OPHN1: variants seen among roughly 807,000 people sequenced by gnomAD.
The protein encoded by OPHN1 is oligophrenin-1.
OPHN1 carries 11 observed loss-of-function variants against 60.7 expected under a neutral mutation model. The ratio of observed to expected loss-of-function variants is 0.18; its 90% CI spans 0.11 to 0.30. The LOEUF is 0.30. Among genes scored for constraint, OPHN1 ranks in the 10% least tolerant of loss-of-function variants. The pLI, the probability that OPHN1 is intolerant of heterozygous loss-of-function variation, is 1.00. For synonymous variants in OPHN1, 226 were observed against 222.6 expected (o/e 1.02, Z -0.14); for missense variants, 449 against 611.0 (o/e 0.73, Z 2.80).
At chrX:68,172,625 C>A (rs2077396644) in intron 15 of OPHN1, among the ~76,000 whole-genome samples, 1 of 110,735 alleles carries the variant, frequency 9.0e-6, no homozygotes, top group Admixed American at 9.7e-5. Flanking sequence ...AAAAAATTAC[C>A]CAAAGAAAGC....
intron 15 of OPHN1, among the ~76,000 whole-genome samples, chrX:68,171,067 G>A (rs1352715433): frequency 9.0e-6 from 1 of 110,765 alleles, no homozygotes; most frequent in Non-Finnish European, 1.9e-5. Context: ...TAGCACAACA[G>A]GGTGATTATA....
intron 2 of OPHN1, among the ~76,000 whole-genome samples, chrX:68,344,749 G>A (rs974577448): frequency 2.7e-5 from 3 of 111,904 alleles, no homozygotes; most frequent in Admixed American, 9.5e-5. Flanking sequence ...AACATAAAAT[G>A]CTAATTAGAC....
At chrX:68,167,332 AAGAC>A (rs1284409543) in intron 15 of OPHN1, among the ~76,000 whole-genome samples, 1 of 111,824 alleles carries the variant, frequency 8.9e-6, no homozygotes, top group Non-Finnish European at 1.9e-5. Context: ...TTTTATGTAA[AAGAC>A]AGGAAGTAAC....
In OPHN1 at chrX:68,268,937, T is replaced by G. The variant is rs370162380; in HGVS notation, c.384+5801A>C. ...TGTGCAAAAATCATAAGCATTCTTA[T>G]GCACCAATAACAGACAGAGAGCCAA... On this transcript the variant is annotated intron_variant, in intron 5 of 24. Coordinates refer to ENST00000355520, the MANE Select transcript of OPHN1 (RefSeq NM_002547.3). Among the ~76,000 whole-genome samples, 4 of 111,597 alleles carry G rather than the reference T, an allele frequency of 3.6e-5. No individual in the cohort carries two copies. The East Asian group carries it at 8.4e-4, about 24-fold the overall frequency.
intron 5 of OPHN1, among the ~76,000 whole-genome samples, chrX:68,274,528 T>C (rs1320639613): frequency 5.4e-5 from 6 of 111,289 alleles, no homozygotes; most frequent in Non-Finnish European, 7.5e-5. Flanking sequence ...CCCACCCCCT[T>C]TGTCATGTTA....
At chrX:68,193,769 A>G (rs951547404) in intron 14 of OPHN1, 121 bp downstream of exon 14, 1 of 590,229 alleles carries the variant, frequency 1.7e-6, no homozygotes, top group Non-Finnish European at 2.9e-6. Flanking sequence ...TCTAGCTTGC[A>G]TCTACTACAC....
chrX:68,182,196 T>G lies in OPHN1; in HGVS notation c.1276+10723A>C, dbSNP rs768679015. On this transcript the variant is annotated intron_variant, in intron 15 of 24. Transcript: ENST00000355520. ...GACATAGAAGCTCTGTAGTTTTTTTTTTTTTTTTTTTTTTTCCTATGATGG... is the reference window on the plus strand; with the variant it reads ...GACATAGAAGCTCTGTAGTTTTTTTGTTTTTTTTTTTTTTTCCTATGATGG... Among the ~76,000 whole-genome samples, 44 of 97,321 alleles carry G rather than the reference T, an allele frequency of 4.5e-4. 1 individual carries two copies. Among genetic ancestry groups the G allele is most frequent in the African/African-American group, 1.6e-3 (42 of 26,667 alleles). The allele number at this position is 97,321 out of a possible 115,157, so 84.5% of individuals were successfully genotyped here.
At chrX:68,255,337 C>T (rs770924519) in intron 5 of OPHN1, among the ~76,000 whole-genome samples, 9 of 112,012 alleles carry the variant, frequency 8.0e-5, no homozygotes, top group East Asian at 2.8e-4. Context: ...TATGTGAATA[C>T]GGAAAAGGAA....
At chrX:68,174,035 C>T (rs367726325) in intron 15 of OPHN1, among the ~76,000 whole-genome samples, 1 of 111,691 alleles carries the variant, frequency 9.0e-6, no homozygotes, top group African/African-American at 3.3e-5. Flanking sequence ...TTTGAAAAAT[C>T]GCTGAGATTT....
intron 5 of OPHN1, among the ~76,000 whole-genome samples, chrX:68,267,151 T>C (rs1317988693): frequency 9.0e-6 from 1 of 111,060 alleles, no homozygotes; most frequent in Non-Finnish European, 1.9e-5. Context: ...TATCCAGGAA[T>C]TGAACTCAGC....
chrX:68,116,437 T>C (rs2077127555), intron 16 of OPHN1, among the ~76,000 whole-genome samples: 1 of 111,909 alleles, frequency 8.9e-6, no homozygotes, highest in African/African-American at 3.2e-5. Flanking sequence ...TGAGAATTTA[T>C]GGCTTGGAGG....
At chrX:68,382,843 T>A (rs777786393) in intron 2 of OPHN1, among the ~76,000 whole-genome samples, 3 of 111,634 alleles carry the variant, frequency 2.7e-5, no homozygotes, top group Non-Finnish European at 3.8e-5. Flanking sequence ...TATAGATGAG[T>A]TGCAACAGAG....
chrX:68,384,592 G>A (rs1478157706), intron 2 of OPHN1, among the ~76,000 whole-genome samples: 1 of 110,907 alleles, frequency 9.0e-6, no homozygotes, highest in Non-Finnish European at 1.9e-5. Context: ...CATGTTGGCA[G>A]TTGCCTATAG....
chrX:68,236,770 A>G (rs998650210), intron 5 of OPHN1, among the ~76,000 whole-genome samples: 4 of 112,161 alleles, frequency 3.6e-5, no homozygotes, highest in African/African-American at 1.3e-4. Context: ...GTATGGATGT[A>G]CTATGTTTCC....
At chrX:68,333,993 G>T (rs1339429171) in intron 2 of OPHN1, among the ~76,000 whole-genome samples, 1 of 107,974 alleles carries the variant, frequency 9.3e-6, no homozygotes, top group Non-Finnish European at 1.9e-5. Flanking sequence ...TGCCTCCCGG[G>T]ATCAAGCGAT....
intron 15 of OPHN1, among the ~76,000 whole-genome samples, chrX:68,121,039 A>G (rs1367665995): frequency 8.9e-6 from 1 of 112,465 alleles, no homozygotes; most frequent in Non-Finnish European, 1.9e-5. Context: ...TAAAACTACT[A>G]GAAGAAAACA....
At chrX:68,185,778 C>A (rs1204205385) in intron 15 of OPHN1, among the ~76,000 whole-genome samples, 2 of 109,162 alleles carry the variant, frequency 1.8e-5, no homozygotes, top group Non-Finnish European at 3.8e-5. Context: ...TAAGACAAGG[C>A]TAAAGAAAAG....
At chrX:68,342,956 AAAAAAAG>A (rs1289710936) in intron 2 of OPHN1, among the ~76,000 whole-genome samples, 6 of 110,670 alleles carry the variant, frequency 5.4e-5, no homozygotes, top group African/African-American at 1.6e-4. Context: ...GAAGAAGAAG[AAAAAAAG>A]AAGAAAGAAG....
In OPHN1 at chrX:68,245,683, C is replaced by A. The variant is rs1049581305; in HGVS notation, c.385-11095G>T. Reference sequence around the variant, plus strand: ...TTCTATCTGGTTCAGAATTCCCAGTCTCTACCTTGCATACCACTTGAGTGC... The same window carrying A: ...TTCTATCTGGTTCAGAATTCCCAGTATCTACCTTGCATACCACTTGAGTGC... On this transcript the variant is annotated intron_variant, in intron 5 of 24. Coordinates refer to ENST00000355520, the MANE Select transcript of OPHN1 (RefSeq NM_002547.3). Among the ~76,000 whole-genome samples, 4 of 112,778 alleles carry A rather than the reference C, an allele frequency of 3.5e-5. No individual in the cohort carries two copies. The South Asian group carries it at 1.5e-3, about 42-fold the overall frequency.
Sources: gnomAD v4.1 joint callset for allele counts (sites outside exome capture counted in the v4.1 genomes callset) on GRCh38, gnomAD v4.1.1 for gene constraint, MANE v1.5 for transcripts, NCBI Gene and HGNC (gene_info 2026-07-23, HGNC 2026-07-21) for gene names.